The following TMEM132D variants were observed in gnomAD, a reference collection of about 807,000 sequenced individuals.
The protein encoded by TMEM132D is mature OL transmembrane protein.
Under a neutral mutation model 62.3 loss-of-function variants are expected in TMEM132D, and 21 were observed. That is an observed-to-expected ratio of 0.34 (90% CI 0.24 to 0.49). TMEM132D has a LOEUF of 0.49. Among genes scored for constraint, TMEM132D ranks in the 20% least tolerant of loss-of-function variants. The probability of loss-of-function intolerance (pLI) is 0.99; values close to 1 mark genes in which losing one functional copy is unlikely to be tolerated. For synonymous variants in TMEM132D, 621 were observed against 575.6 expected (o/e 1.08, Z -1.13); for missense variants, 1,346 against 1,402.8 (o/e 0.96, Z 0.65).
intron 3 of TMEM132D, among the ~76,000 whole-genome samples, chr12:129,431,349 CA>C (rs1872649250): frequency 6.6e-6 from 1 of 152,154 alleles, no homozygotes; most frequent in Non-Finnish European, 1.5e-5. Context: ...TTCCAGAAGC[CA>C]AATTTCTTCC....
chr12:129,615,886 G>C (rs1021202890), intron 2 of TMEM132D, among the ~76,000 whole-genome samples: 1 of 152,174 alleles, frequency 6.6e-6, no homozygotes, highest in African/African-American at 2.4e-5. Context: ...CCCCGTCCCA[G>C]AGCCAGAACT....
chr12:129,660,433 G>A (rs544938041), intron 2 of TMEM132D, among the ~76,000 whole-genome samples: 8 of 152,074 alleles, frequency 5.3e-5, no homozygotes, highest in African/African-American at 1.9e-4. Flanking sequence ...TCAAGACGGA[G>A]GTCTGATTGA....
intron 4 of TMEM132D, among the ~76,000 whole-genome samples, chr12:129,233,979 C>T (rs769550934): frequency 5.3e-5 from 8 of 152,150 alleles, no homozygotes; most frequent in Non-Finnish European, 1.0e-4. Context: ...AAAACATATC[C>T]TGACTTTCAA....
At chr12:129,473,408 C>CAACCT (rs1411338259) in intron 3 of TMEM132D, among the ~76,000 whole-genome samples, 1 of 138,204 alleles carries the variant, frequency 7.2e-6, no homozygotes, top group Non-Finnish European at 1.5e-5. Context: ...CGGCTCACTG[C>CAACCT]AACCTCCACC....
intron 4 of TMEM132D, among the ~76,000 whole-genome samples, chr12:129,256,574 A>T (rs955347724): frequency 6.6e-6 from 1 of 152,136 alleles, no homozygotes; most frequent in African/African-American, 2.4e-5. Flanking sequence ...GGATCACGCC[A>T]CCACACCCAG....
chr12:129,787,740 G>C (rs1398820833), intron 1 of TMEM132D, among the ~76,000 whole-genome samples: 2 of 152,110 alleles, frequency 1.3e-5, no homozygotes, highest in African/African-American at 4.8e-5. Context: ...CGAAGTAGAG[G>C]CCACCAGGGC....
chr12:129,538,602 A>G (rs1203669793), intron 2 of TMEM132D, among the ~76,000 whole-genome samples: 2 of 151,766 alleles, frequency 1.3e-5, no homozygotes, highest in Non-Finnish European at 2.9e-5. Flanking sequence ...TAAATTAGAC[A>G]CAGGAGGAGA....
chr12:129,550,583 C>G (rs1003077911), intron 2 of TMEM132D, among the ~76,000 whole-genome samples: 1 of 152,168 alleles, frequency 6.6e-6, no homozygotes, highest in African/African-American at 2.4e-5. Context: ...ACTTAAGCAA[C>G]CATTTCACAG....
At chr12:129,407,889 CA>C (rs34385881) in intron 3 of TMEM132D, among the ~76,000 whole-genome samples, 18,604 of 95,788 alleles carry the variant, frequency 0.19, 1,320 homozygotes, top group East Asian at 0.44. Context: ...GACTCCGACT[CA>C]AAAAAAAAAA....
At chr12:129,815,339 G>A (rs962237236) in intron 1 of TMEM132D, among the ~76,000 whole-genome samples, 7 of 152,278 alleles carry the variant, frequency 4.6e-5, no homozygotes, top group South Asian at 2.1e-4. Context: ...TCCAGGCATC[G>A]CTTGAGAGAC....
At chr12:129,786,398 C>G (rs1304874648) in intron 1 of TMEM132D, among the ~76,000 whole-genome samples, 1 of 152,098 alleles carries the variant, frequency 6.6e-6, no homozygotes, top group Non-Finnish European at 1.5e-5. Flanking sequence ...GAGGTAACAC[C>G]TCGTGGCGAA....
intron 1 of TMEM132D, among the ~76,000 whole-genome samples, chr12:129,778,815 A>C (rs1871029420): frequency 2.0e-5 from 3 of 151,868 alleles, no homozygotes; most frequent in Admixed American, 1.3e-4. Context: ...CTTGGGAGGG[A>C]GGTATTCTTC....
intron 1 of TMEM132D, among the ~76,000 whole-genome samples, chr12:129,715,213 A>G (rs114083665): frequency 1.4e-3 from 210 of 152,252 alleles, no homozygotes; most frequent in African/African-American, 4.6e-3. Flanking sequence ...TGTAAGAGAG[A>G]CAGAGAAAGG....
At chr12:129,688,711 A>C (rs1485432835) in intron 2 of TMEM132D, among the ~76,000 whole-genome samples, 1 of 151,930 alleles carries the variant, frequency 6.6e-6, no homozygotes, top group Non-Finnish European at 1.5e-5. Context: ...GTATTATACT[A>C]GATAATGAAG....
At chr12:129,284,566 T>C (rs1881240346) in intron 4 of TMEM132D, among the ~76,000 whole-genome samples, 4 of 152,220 alleles carry the variant, frequency 2.6e-5, no homozygotes. Context: ...TGACAAGGTA[T>C]ATACCCTGAA....
chr12:129,193,101 T>C (rs2135557331), intron 5 of TMEM132D, among the ~76,000 whole-genome samples: 1 of 145,450 alleles, frequency 6.9e-6, no homozygotes, highest in East Asian at 2.0e-4. Flanking sequence ...GAGCTTGCAG[T>C]GAGCCGAGAT....
rs143321513 is a variant in TMEM132D at position 129,205,743 on chromosome 12, C to A, written c.1443+3777G>T. ...TCTCATCACCACGTGGAACATACTC[C>A]AAAATCAACCACATAATCAGACATA... On this transcript the variant is annotated intron_variant, in intron 5 of 8. Transcript: ENST00000422113. Among the ~76,000 whole-genome samples, 799 of 151,984 alleles carry A rather than the reference C, an allele frequency of 5.3e-3. 4 individuals are homozygous for A. Among genetic ancestry groups the A allele is most frequent in the Admixed American group, 0.01 (155 of 15,264 alleles).
intron 1 of TMEM132D, among the ~76,000 whole-genome samples, chr12:129,819,232 A>T (rs1565997079): frequency 6.6e-6 from 1 of 151,516 alleles, no homozygotes; most frequent in South Asian, 2.1e-4. Context: ...TACCTACCCC[A>T]CAGTGCCAAG....
chr12:129,898,050 T>C (rs1875206415), intron 1 of TMEM132D, among the ~76,000 whole-genome samples: 1 of 152,240 alleles, frequency 6.6e-6, no homozygotes, highest in South Asian at 2.1e-4. Context: ...AGTACATATC[T>C]ACCCCATTGA....
Sources: allele counts gnomAD v4.1 joint callset (sites outside exome capture counted in the v4.1 genomes callset), GRCh38; gene constraint gnomAD v4.1.1; transcripts MANE v1.5; gene names NCBI Gene and HGNC (gene_info 2026-07-23, HGNC 2026-07-21).